CDH13: variants seen among roughly 807,000 people sequenced by gnomAD.
CDH13 encodes cadherin 13.
A neutral mutation model predicts 63.8 loss-of-function variants in CDH13; 24 were observed. The observed-to-expected ratio is 0.38, with a 90% CI of 0.27 to 0.53. CDH13 has a LOEUF of 0.53. Ranked by LOEUF, CDH13 falls within the 20% of genes least tolerant of loss-of-function variation. CDH13 has a pLI of 0.85. For synonymous variants in CDH13, 503 were observed against 355.3 expected (o/e 1.42, Z -4.67); for missense variants, 1,049 against 903.1 (o/e 1.16, Z -2.07).
chr16:83,410,681 T>A (rs75694309), intron 6 of CDH13, among the ~76,000 whole-genome samples: 4,723 of 152,288 alleles, frequency 0.031, 114 homozygotes, highest in African/African-American at 0.065. Context: ...ATGCTACTCA[T>A]AGAAATTAGT....
chr16:83,547,894 G>A (rs1487667384), intron 7 of CDH13, among the ~76,000 whole-genome samples: 1 of 152,154 alleles, frequency 6.6e-6, no homozygotes, highest in Non-Finnish European at 1.5e-5. Context: ...GGGGCATCAG[G>A]AGCTGCTGGG....
chr16:83,609,644 T>G (rs1908676414), intron 8 of CDH13, among the ~76,000 whole-genome samples: 1 of 152,260 alleles, frequency 6.6e-6, no homozygotes, highest in Admixed American at 6.5e-5. Flanking sequence ...GATGTCAGGA[T>G]ACCTGTTTAT....
intron 2 of CDH13, among the ~76,000 whole-genome samples, chr16:83,014,880 G>GTGTATATATATGTGTATATATATA (rs1567746198): frequency 6.2e-5 from 8 of 130,006 alleles, no homozygotes; most frequent in African/African-American, 2.3e-4. Flanking sequence ...ATATATATAT[G>GTGTATATATATGTGTATATATATA]TTTGTGTATA....
intron 2 of CDH13, among the ~76,000 whole-genome samples, chr16:82,909,857 A>C (rs1374183205): frequency 6.6e-6 from 1 of 152,082 alleles, no homozygotes; most frequent in Non-Finnish European, 1.5e-5. Flanking sequence ...GAAAACAGGC[A>C]TTTCTTCCCA....
At chr16:83,076,453 G>A (rs1232872304) in intron 3 of CDH13, among the ~76,000 whole-genome samples, 5 of 152,260 alleles carry the variant, frequency 3.3e-5, no homozygotes, top group Non-Finnish European at 4.4e-5. Flanking sequence ...CATTAAGGGA[G>A]CCTGTCCTGA....
At chr16:83,664,325 A>G (rs1474323852) in intron 8 of CDH13, among the ~76,000 whole-genome samples, 3 of 152,138 alleles carry the variant, frequency 2.0e-5, no homozygotes, top group Non-Finnish European at 4.4e-5. Flanking sequence ...ATCATCTTGA[A>G]GACTTGCCAG....
chr16:83,760,946 A>G (rs897275539), intron 11 of CDH13, among the ~76,000 whole-genome samples: 2 of 152,230 alleles, frequency 1.3e-5, no homozygotes, highest in Admixed American at 1.3e-4. Context: ...GTGAGTGATA[A>G]GAGTTCTACA....
intron 5 of CDH13, among the ~76,000 whole-genome samples, chr16:83,235,306 G>C (rs990000961): frequency 1.3e-5 from 2 of 152,106 alleles, no homozygotes; most frequent in Admixed American, 6.5e-5. Context: ...ACGCAGGTCC[G>C]AGTGCCAATA....
At chr16:83,080,878 T>TTG (rs2033193777) in intron 3 of CDH13, among the ~76,000 whole-genome samples, 1 of 108,866 alleles carries the variant, frequency 9.2e-6, no homozygotes, top group African/African-American at 3.8e-5. Flanking sequence ...TGTGTTTTTT[T>TTG]TTTTTTTTTT....
At chr16:83,050,333 T>C (rs1429974965) in intron 3 of CDH13, among the ~76,000 whole-genome samples, 2 of 152,174 alleles carry the variant, frequency 1.3e-5, no homozygotes, top group Non-Finnish European at 2.9e-5. Flanking sequence ...CTGGCTCATA[T>C]GATAATTCTA....
chr16:83,177,106 C>T (rs748782017), intron 4 of CDH13, among the ~76,000 whole-genome samples: 1 of 152,040 alleles, frequency 6.6e-6, no homozygotes, highest in East Asian at 1.9e-4. Context: ...CTGGTGTGAC[C>T]GAATAACTGG....
At chr16:83,442,230 A>T (rs2072499503) in intron 6 of CDH13, among the ~76,000 whole-genome samples, 1 of 152,190 alleles carries the variant, frequency 6.6e-6, no homozygotes, top group Non-Finnish European at 1.5e-5. Flanking sequence ...CAGTTACCTC[A>T]TCCGTAAAAT....
At chr16:83,137,981 G>C (rs1434542127) in intron 4 of CDH13, among the ~76,000 whole-genome samples, 1 of 152,104 alleles carries the variant, frequency 6.6e-6, no homozygotes, top group Non-Finnish European at 1.5e-5. Flanking sequence ...GACGTGATGT[G>C]AGTCTGGGTG....
chr16:82,784,320 G>A (rs992787012), intron 1 of CDH13, among the ~76,000 whole-genome samples: 2 of 152,166 alleles, frequency 1.3e-5, no homozygotes, highest in Non-Finnish European at 2.9e-5. Context: ...ATGTGGGAGA[G>A]GTTCTTATGG....
intron 3 of CDH13, among the ~76,000 whole-genome samples, chr16:83,054,436 C>T (rs1178815444): frequency 6.6e-6 from 1 of 152,166 alleles, no homozygotes; most frequent in Non-Finnish European, 1.5e-5. Flanking sequence ...CAGCAGTTGA[C>T]ATAACTACAC....
intron 5 of CDH13, among the ~76,000 whole-genome samples, chr16:83,267,511 A>G (rs2088660973): frequency 6.6e-6 from 1 of 152,210 alleles, no homozygotes; most frequent in Non-Finnish European, 1.5e-5. Flanking sequence ...CTGTGATGAT[A>G]TTAAGAGGTA....
rs71272415 is a variant in CDH13, at chr16:83,379,936, T to TAGAGAGAGAGAG, written c.781+34931_781+34932insGAGAGAGAGAGA. On this transcript the variant is annotated intron_variant, in intron 6 of 13. Transcript: ENST00000567109. ...GTGTGTGTGTATATATATATATATA[T>TAGAGAGAGAGAG]ATAGAGAGAGAGAGAGAGAGAGAGA... Among the ~76,000 whole-genome samples the TAGAGAGAGAGAG allele has an allele frequency of 3.9e-3, 360 of 91,782 alleles. 1 individual carries two copies. Among genetic ancestry groups the TAGAGAGAGAGAG allele is most frequent in the Middle Eastern group, 0.011 (2 of 176 alleles). 60.2% of individuals were successfully genotyped at this position (91,782 alleles called of 152,430 possible).
chr16:83,314,146 G>A (rs920259056), intron 5 of CDH13, among the ~76,000 whole-genome samples: 1 of 152,154 alleles, frequency 6.6e-6, no homozygotes, highest in Non-Finnish European at 1.5e-5. Flanking sequence ...TATGCATGTT[G>A]TGTCTAGTAT....
chr16:83,507,728 GT>G (rs1390825249), intron 7 of CDH13, among the ~76,000 whole-genome samples: 2 of 152,052 alleles, frequency 1.3e-5, no homozygotes, highest in African/African-American at 4.8e-5. Context: ...GTTTAAAAAT[GT>G]TTTGCTTAGT....
Sources: gnomAD v4.1 joint callset for allele counts (sites outside exome capture counted in the v4.1 genomes callset) on GRCh38, gnomAD v4.1.1 for gene constraint, MANE v1.5 for transcripts, NCBI Gene and HGNC (gene_info 2026-07-23, HGNC 2026-07-21) for gene names.